Variants in RASGRP3 observed in about 807,000 individuals in gnomAD.
The protein encoded by RASGRP3 is ras guanyl-releasing protein 3.
Under a neutral mutation model 82.7 loss-of-function variants are expected in RASGRP3, and 54 were observed. The observed-to-expected ratio is 0.65, with a 90% CI of 0.52 to 0.82. The LOEUF (loss-of-function observed/expected upper bound fraction) is 0.82. Among genes scored for constraint, RASGRP3 ranks in the 40% least tolerant of loss-of-function variants. The pLI is 0.00. For synonymous variants in RASGRP3, 309 were observed against 300.5 expected (o/e 1.03, Z -0.29); for missense variants, 861 against 828.9 (o/e 1.04, Z -0.48).
chr2:33,523,332 G>C (rs1672206288), intron 7 of RASGRP3, among the ~76,000 whole-genome samples: 1 of 152,036 alleles, frequency 6.6e-6, no homozygotes, highest in African/African-American at 2.4e-5. Context: ...AGGTGTGGCA[G>C]CTTGCACCTG....
At chr2:33,461,920 G>A (rs575688918) in intron 2 of RASGRP3, among the ~76,000 whole-genome samples, 6 of 152,368 alleles carry the variant, frequency 3.9e-5, no homozygotes, top group African/African-American at 1.4e-4. Context: ...TTATAACCAA[G>A]AGGCTGTGAT....
intron 17 of RASGRP3, among the ~76,000 whole-genome samples, chr2:33,560,936 G>A (rs1279930238): frequency 6.6e-6 from 1 of 152,156 alleles, no homozygotes; most frequent in Non-Finnish European, 1.5e-5. Context: ...AAGATATCCT[G>A]ATCATTAATC....
At chr2:33,550,985 C>T (rs1301935922) in intron 14 of RASGRP3, among the ~76,000 whole-genome samples, 1 of 152,166 alleles carries the variant, frequency 6.6e-6, no homozygotes, top group East Asian at 1.9e-4. Flanking sequence ...TTAGTATCTC[C>T]ACTGGGATTG....
chr2:33,560,274 G>C (rs1489801034), intron 17 of RASGRP3, among the ~76,000 whole-genome samples: 1 of 152,086 alleles, frequency 6.6e-6, no homozygotes, highest in Non-Finnish European at 1.5e-5. Context: ...TGTCTCTATA[G>C]ATTTGCAATG....
intron 2 of RASGRP3, among the ~76,000 whole-genome samples, chr2:33,458,855 A>G (rs1255194168): frequency 1.3e-5 from 2 of 152,212 alleles, no homozygotes; most frequent in African/African-American, 4.8e-5. Flanking sequence ...TCGGCAGTTG[A>G]TTCCATGGCC....
intron 2 of RASGRP3, chr2:33,458,120 C>T (rs1666145777): frequency 6.6e-6 from 1 of 152,094 alleles, no homozygotes; most frequent in South Asian, 2.1e-4. Context: ...GGATACAGAC[C>T]ATCTGGGCCA....
intron 1 of RASGRP3, among the ~76,000 whole-genome samples, chr2:33,437,647 C>T (rs889812662): frequency 6.6e-6 from 1 of 152,190 alleles, no homozygotes; most frequent in Admixed American, 6.5e-5. Context: ...CAGCTAGAAC[C>T]GGCACAGGAG....
chr2:33,551,788 T>C (rs1199997682), intron 14 of RASGRP3, among the ~76,000 whole-genome samples: 1 of 152,070 alleles, frequency 6.6e-6, no homozygotes, highest in Non-Finnish European at 1.5e-5. Flanking sequence ...GCTCAGGAGA[T>C]CGAGACCATC....
chr2:33,540,643 C>G (rs1674211669), intron 12 of RASGRP3, among the ~76,000 whole-genome samples: 1 of 137,948 alleles, frequency 7.2e-6, no homozygotes, highest in South Asian at 2.4e-4. Flanking sequence ...CTCTCTCTGT[C>G]TCATTCTGTC....
intron 2 of RASGRP3, among the ~76,000 whole-genome samples, chr2:33,471,574 C>G (rs1041830298): frequency 6.6e-6 from 1 of 151,318 alleles, no homozygotes; most frequent in Non-Finnish European, 1.5e-5. Context: ...TTTTTTAAGA[C>G]AGGGTATTAT....
rs1412246819 is a variant in RASGRP3 at position 33,562,828 on chromosome 2, T to C, written c.*91T>C. 2.0e-6 allele frequency: 3 copies of C among 1,503,518 alleles called. No homozygotes were observed. Among genetic ancestry groups the C allele is most frequent in the Non-Finnish European group, 2.8e-6 (3 of 1,084,864 alleles). The allele number at this position is 1,503,518 out of a possible 1,614,324, so 93.1% of individuals were successfully genotyped here. A position where few individuals can be genotyped will look rare whatever the true frequency, so the allele number is the denominator to read the frequency against. On this transcript the variant is annotated 3_prime_UTR_variant, in exon 18 of 18. Coordinates refer to ENST00000403687, the MANE Select transcript of RASGRP3 (RefSeq NM_001139488.2). ...AAGAAAGCTCTGACTCTCAGGAAGTTATCTGGAAAGATACCTGGATGTTTA... is the reference window on the plus strand; with the variant it reads ...AAGAAAGCTCTGACTCTCAGGAAGTCATCTGGAAAGATACCTGGATGTTTA...
intron 1 of RASGRP3, among the ~76,000 whole-genome samples, chr2:33,502,834 T>C (rs915172326): frequency 6.6e-6 from 1 of 152,134 alleles, no homozygotes; most frequent in Non-Finnish European, 1.5e-5. Flanking sequence ...CTCTTTAACC[T>C]TTACTTTATG....
chr2:33,482,957 G>C (rs1477916777), intron 1 of RASGRP3: 1 of 151,826 alleles, frequency 6.6e-6, no homozygotes. Flanking sequence ...GAGCTGACTT[G>C]AGCATTTTTC....
chr2:33,478,399 G>T (rs1321361562), intron 1 of RASGRP3, among the ~76,000 whole-genome samples: 2 of 152,114 alleles, frequency 1.3e-5, no homozygotes, highest in Non-Finnish European at 2.9e-5. Context: ...GGTTCCTCCT[G>T]AGTCATTCTT....
chr2:33,466,618 G>A (rs1666711600), intron 2 of RASGRP3, among the ~76,000 whole-genome samples: 1 of 151,248 alleles, frequency 6.6e-6, no homozygotes, highest in African/African-American at 2.4e-5. Context: ...GGTGGAGGTT[G>A]CAATCAGCTG....
chr2:33,482,817 A>T (rs1276521204), intron 1 of RASGRP3: 1 of 152,246 alleles, frequency 6.6e-6, no homozygotes, highest in Non-Finnish European at 1.5e-5. Context: ...GGTAGGGGAA[A>T]AACATGTGGA....
At chr2:33,447,457 A>G (rs1193158783) in intron 1 of RASGRP3, among the ~76,000 whole-genome samples, 1 of 149,424 alleles carries the variant, frequency 6.7e-6, no homozygotes, top group East Asian at 1.9e-4. Context: ...TTTTTTTGAG[A>G]CAGAGTTTCA....
chr2:33,530,791 G>A (rs1258264951), intron 10 of RASGRP3: 1 of 152,204 alleles, frequency 6.6e-6, no homozygotes, highest in Non-Finnish European at 1.5e-5. Flanking sequence ...CTTGAATACG[G>A]CACCAGGCCT....
At chr2:33,465,664 G>A (rs1041073453) in intron 2 of RASGRP3, among the ~76,000 whole-genome samples, 8 of 152,206 alleles carry the variant, frequency 5.3e-5, no homozygotes, top group Admixed American at 2.6e-4. Flanking sequence ...GATTTTCCAC[G>A]TAGTTGAACC....
Sources: allele counts gnomAD v4.1 joint callset (sites outside exome capture counted in the v4.1 genomes callset), GRCh38; gene constraint gnomAD v4.1.1; transcripts MANE v1.5; gene names NCBI Gene and HGNC (gene_info 2026-07-23, HGNC 2026-07-21).